The following PDS5B variants were observed in gnomAD, a reference collection of about 807,000 sequenced individuals.
The protein encoded by PDS5B is sister chromatid cohesion protein PDS5 homolog B.
PDS5B carries 51 observed loss-of-function variants against 184.1 expected under a neutral mutation model. That is an observed-to-expected ratio of 0.28 (90% CI 0.22 to 0.35). PDS5B has a LOEUF of 0.35. PDS5B is among the 10% of genes least tolerant of loss of function. The pLI, the probability that PDS5B is intolerant of heterozygous loss-of-function variation, is 1.00. For synonymous variants in PDS5B, 566 were observed against 569.2 expected, an observed-to-expected ratio of 0.99 and a Z score of 0.08; for missense variants, 1,180 against 1,723.3, an observed-to-expected ratio of 0.68 and a Z score of 5.58.
At chr13:32,605,949 G>A (rs954790776) in intron 1 of PDS5B, among the ~76,000 whole-genome samples, 3 of 150,552 alleles carry the variant, frequency 2.0e-5, no homozygotes, top group Non-Finnish European at 4.4e-5. Flanking sequence ...TTTATTTTGA[G>A]CCTGTGTGTG....
chr13:32,755,982 A>C, intron 26 of PDS5B, 26 bp downstream of exon 26: 1 of 1,118,476 alleles, frequency 8.9e-7, no homozygotes, highest in Non-Finnish European at 1.3e-6. Flanking sequence ...TCCCATTTTC[A>C]TATTTTCTGA....
intron 1 of PDS5B, among the ~76,000 whole-genome samples, chr13:32,648,054 A>G (rs577442149): frequency 1.3e-5 from 2 of 152,342 alleles, no homozygotes; most frequent in South Asian, 4.1e-4. Flanking sequence ...GTGCAGGCCC[A>G]TGGCCAAAAC....
Position 32,769,328 on chromosome 13 carries a change from C to T in PDS5B, c.3625-793C>T, listed in dbSNP as rs373200052. Among the ~76,000 whole-genome samples, 76 of 152,116 alleles carry T rather than the reference C, an allele frequency of 5.0e-4. 1 individual carries two copies. In the South Asian group the frequency reaches 0.01, roughly 21 times the overall value. Reference sequence around the variant, plus strand: ...AAGTTAGAAAAAGTTACAGATAATTCGATAGTTTTTGTTGTTTTCAGTGAT... The same window carrying T: ...AAGTTAGAAAAAGTTACAGATAATTTGATAGTTTTTGTTGTTTTCAGTGAT... On this transcript the variant is annotated intron_variant, in intron 31 of 34. Transcript: ENST00000315596.
At chr13:32,720,433 G>A (rs1308661355) in intron 19 of PDS5B, among the ~76,000 whole-genome samples, 1 of 151,818 alleles carries the variant, frequency 6.6e-6, no homozygotes, top group Non-Finnish European at 1.5e-5. Context: ...GAAAAGATGT[G>A]CACATAATCT....
chr13:32,699,230 C>T (rs925922637), intron 15 of PDS5B, among the ~76,000 whole-genome samples: 1 of 152,124 alleles, frequency 6.6e-6, no homozygotes, highest in African/African-American at 2.4e-5. Context: ...TAATGACTTA[C>T]CCAGCAGTAA....
chr13:32,587,544 ACT>A (rs1348635192), intron 1 of PDS5B, among the ~76,000 whole-genome samples: 2 of 152,160 alleles, frequency 1.3e-5, no homozygotes, highest in Non-Finnish European at 2.9e-5. Context: ...GTGAAAGCTA[ACT>A]CTTAAGTAGC....
chr13:32,716,622 G>C (rs1441244691), intron 19 of PDS5B, among the ~76,000 whole-genome samples: 7 of 148,134 alleles, frequency 4.7e-5, no homozygotes, highest in Non-Finnish European at 1.1e-4. Flanking sequence ...AGGTGGGGGG[G>C]TCAGCCCCCC....
intron 11 of PDS5B, among the ~76,000 whole-genome samples, chr13:32,685,827 A>G (rs1951371097): frequency 6.6e-6 from 1 of 151,654 alleles, no homozygotes; most frequent in South Asian, 2.1e-4. Context: ...TTTATTAGAG[A>G]CAGGGTCTCA....
intron 1 of PDS5B, among the ~76,000 whole-genome samples, chr13:32,648,279 C>G (rs1176737416): frequency 6.6e-6 from 1 of 152,124 alleles, no homozygotes; most frequent in African/African-American, 2.4e-5. Flanking sequence ...TTGATATGTT[C>G]AGATTTACTT....
chr13:32,755,141 T>A (rs1255828267), intron 25 of PDS5B, among the ~76,000 whole-genome samples: 4 of 152,200 alleles, frequency 2.6e-5, no homozygotes, highest in Non-Finnish European at 4.4e-5. Context: ...ATCCAATTTA[T>A]ATTTTTATTT....
chr13:32,756,108 TC>T (rs1656180923), intron 26 of PDS5B, 152 bp downstream of exon 26: 2 of 488,190 alleles, frequency 4.1e-6, no homozygotes, highest in South Asian at 8.1e-5. Context: ...CTTTCTTTTT[TC>T]ATACCATCTC....
rs1024341715 is a variant in PDS5B at position 32,777,200 on chromosome 13, C to G, written c.*2148C>G. On this transcript the variant is annotated 3_prime_UTR_variant, in exon 35 of 35. Coordinates refer to ENST00000315596, the MANE Select transcript of PDS5B (RefSeq NM_015032.4). The stretch of plus-strand genomic sequence containing the variant: ...TGCATGATTATAGTTAAGCAAATTT[C>G]ATTTCACATTTTTGTAATGCTGTAC... 6.6e-6 allele frequency: 1 copy of G among 151,940 alleles called. No individual in the cohort carries two copies. The highest frequency in any genetic ancestry group is 1.5e-5 in the Non-Finnish European group (1 of 67,858). The allele number at this position is 151,940 out of a possible 1,614,324, so 9.4% of individuals were successfully genotyped here. A position where few individuals can be genotyped will look rare whatever the true frequency, so the allele number is the denominator to read the frequency against.
chr13:32,674,950 A>ATT (rs777498856), intron 8 of PDS5B, among the ~76,000 whole-genome samples: 336 of 144,822 alleles, frequency 2.3e-3, no homozygotes, highest in Middle Eastern at 7.1e-3. Context: ...TCTTATTTTA[A>ATT]TTTTTTTTTT....
chr13:32,763,037 C>T (rs903577742), intron 30 of PDS5B, among the ~76,000 whole-genome samples: 53 of 152,034 alleles, frequency 3.5e-4, no homozygotes, highest in African/African-American at 1.2e-3. Flanking sequence ...CAATGTTTGA[C>T]CAATCTGTTT....
chr13:32,606,327 G>A (rs916145185), intron 1 of PDS5B, among the ~76,000 whole-genome samples: 4 of 152,148 alleles, frequency 2.6e-5, no homozygotes, highest in Non-Finnish European at 5.9e-5. Flanking sequence ...CACTTATGAA[G>A]CTTAGTTTGG....
At chr13:32,705,411 C>G (rs999903498) in intron 17 of PDS5B, among the ~76,000 whole-genome samples, 1 of 152,072 alleles carries the variant, frequency 6.6e-6, no homozygotes, top group Non-Finnish European at 1.5e-5. Context: ...AGAAAACACC[C>G]TCAGAAATAC....
intron 1 of PDS5B, among the ~76,000 whole-genome samples, chr13:32,634,916 TC>T (rs1156460350): frequency 6.6e-6 from 1 of 151,990 alleles, no homozygotes; most frequent in African/African-American, 2.4e-5. Context: ...GAAACGTTTT[TC>T]AAAAATGGCT....
At chr13:32,693,371 C>T (rs536849988) in intron 13 of PDS5B, among the ~76,000 whole-genome samples, 1 of 151,858 alleles carries the variant, frequency 6.6e-6, no homozygotes, top group Non-Finnish European at 1.5e-5. Context: ...ACTGGTTTAT[C>T]TCCTTTAAAA....
chr13:32,758,526 T>A lies in PDS5B; in HGVS notation c.3190-8T>A. Reference sequence around the variant, plus strand: ...AGTATCTGTGTTTTTAAAAATATACTATTGCAGAAACTGTACACTGTGTGT... The same window carrying A: ...AGTATCTGTGTTTTTAAAAATATACAATTGCAGAAACTGTACACTGTGTGT... On this transcript the variant is annotated splice_polypyrimidine_tract_variant and splice_region_variant and intron_variant, in intron 27 of 34. Transcript: ENST00000315596. 6.2e-7 allele frequency: 1 copy of A among 1,605,904 alleles called. No individual in the cohort carries two copies. The highest frequency in any genetic ancestry group is 8.5e-7 in the Non-Finnish European group (1 of 1,175,974).
Sources: allele counts gnomAD v4.1 joint callset (sites outside exome capture counted in the v4.1 genomes callset), GRCh38; gene constraint gnomAD v4.1.1; transcripts MANE v1.5; gene names NCBI Gene and HGNC (gene_info 2026-07-23, HGNC 2026-07-21).